PKD1L3: variants seen among roughly 807,000 people sequenced by gnomAD.
PKD1L3 encodes the protein polycystin-1-like protein 3.
In PKD1L3, 239 loss-of-function variants were observed where a neutral mutation model predicts 184.1. The ratio of observed to expected loss-of-function variants is 1.30; its 90% CI spans 1.17 to 1.45. PKD1L3 has a LOEUF of 1.45. Among genes scored for constraint, PKD1L3 ranks in the 40% most tolerant of loss-of-function variants. PKD1L3 has a pLI of 0.00. For missense variants in PKD1L3, 2,660 were observed against 2,067.2 expected (o/e 1.29, Z -5.56); for synonymous variants, 996 against 778.8 (o/e 1.28, Z -4.64).
Position 71,947,555 on chromosome 16 carries a change from T to A in PKD1L3, c.3655A>T (p.Ser1219Cys), listed in dbSNP as rs1483824879. 1.3e-6 allele frequency: 2 copies of A among 1,547,590 alleles called. No individual in the cohort carries two copies. The highest frequency in any genetic ancestry group is 1.7e-6 in the Non-Finnish European group (2 of 1,143,630). ...FFTFLYSLMM[S>C]RMPRLNKENE... ...TCTTTGTTAAGCCGTGGCATCCTGC[T>A]CATCATCAGTGAGTATAAGAATGTG... is the stretch of plus-strand genomic sequence containing the variant. Residue 1219 changes from serine (S) to cysteine (C), a missense_variant, in exon 22 of 30, where the codon AGC becomes TGC. By Grantham distance (112) the Ser-to-Cys change is moderately radical. Transcript: ENST00000620267.
chr16:71,999,972 A>T lies in PKD1L3; in HGVS notation c.7T>A (p.Phe3Ile), dbSNP rs2040913973. 6.6e-7 allele frequency: 1 copy of T among 1,518,848 alleles called. No homozygotes were observed. The highest frequency in any genetic ancestry group is 1.4e-5 in the African/African-American group (1 of 72,198). The allele number at this position is 1,518,848 out of a possible 1,614,324, so 94.1% of individuals were successfully genotyped here. A position where few individuals can be genotyped will look rare whatever the true frequency, so the allele number is the denominator to read the frequency against. Reference sequence around the variant, plus strand: ...AACCAAAGCCAGCTTCCTCCTTTGAAGAACATTTTCTCTGAATTGTAGCAA... The same window carrying T: ...AACCAAAGCCAGCTTCCTCCTTTGATGAACATTTTCTCTGAATTGTAGCAA... MF[F>I]KGGSWLWLYI... The change falls in exon 1 of 30, where the codon TTC becomes ATC. Residue 3 changes from phenylalanine (F) to isoleucine (I), a missense_variant. Physicochemically the swap from Phe to Ile is conservative, Grantham distance 21. Coordinates refer to ENST00000620267, the MANE Select transcript of PKD1L3 (RefSeq NM_181536.2).
Position 71,937,434 on chromosome 16 carries a change from G to T in PKD1L3, c.4325-15C>A. ...GAAGAAAGCACCTGAGAATAACAAA[G>T]AACACCTGGAGTCAAGAGTCTAAAA... On this transcript the variant is annotated splice_polypyrimidine_tract_variant and intron_variant, in intron 24 of 29. Coordinates refer to ENST00000620267, the MANE Select transcript of PKD1L3 (RefSeq NM_181536.2). The T allele has an allele frequency of 6.5e-7, 1 of 1,549,224 alleles. No individual in the cohort carries two copies. Among genetic ancestry groups the T allele is most frequent in the Non-Finnish European group, 8.7e-7 (1 of 1,146,308 alleles).
intron 28 of PKD1L3, among the ~76,000 whole-genome samples, chr16:71,932,033 C>T (rs113739334): frequency 3.6e-4 from 55 of 152,272 alleles, no homozygotes; most frequent in African/African-American, 1.1e-3. Context: ...TACATGCTAC[C>T]ATGCCTGACT....
Position 71,996,697 on chromosome 16 carries a change from G to A in PKD1L3, c.418+1575C>T, listed in dbSNP as rs890232153. ...CTCAATAAATGGCACCATAGAGTAC[G>A]TAACATTTTGAGATTGGCTTTGTTC... On this transcript the variant is annotated intron_variant, in intron 2 of 29. Transcript: ENST00000620267. Among the ~76,000 whole-genome samples, 10 of 152,104 alleles carry A rather than the reference G, an allele frequency of 6.6e-5. No homozygotes were observed. The East Asian group carries it at 1.7e-3, about 26-fold the overall frequency.
rs1050664923 is a variant in PKD1L3, at chr16:71,942,905, G to A, written c.3979C>T (p.Leu1327Phe). ...GCCCAGGGGTAGAAATCCTGAAGAA[G>A]TTTGATTTCCGAGAACTGGTGCGAA... is the stretch of plus-strand genomic sequence containing the variant. ...TFSHQFSEIK[L>F]LQDFYPWANH... Residue 1327 changes from leucine to phenylalanine, a missense_variant, in exon 24 of 30, where the codon CTT (leucine) becomes TTT (phenylalanine). Physicochemically the swap from Leu to Phe is conservative, Grantham distance 22 (BLOSUM62 0). Coordinates refer to ENST00000620267, the MANE Select transcript of PKD1L3 (RefSeq NM_181536.2). 2.0e-5 allele frequency: 31 copies of A among 1,551,470 alleles called. No individual in the cohort carries two copies. The African/African-American group carries it at 3.4e-4, about 17-fold the overall frequency.
chr16:71,966,086 AG>A (rs2039492937), intron 15 of PKD1L3, among the ~76,000 whole-genome samples: 1 of 151,964 alleles, frequency 6.6e-6, no homozygotes, highest in African/African-American at 2.4e-5. Flanking sequence ...ATGTCTAGCT[AG>A]GGGGAAAAAT....
At chr16:71,929,904 GGAA>G in intron 29 of PKD1L3, 145 bp downstream of exon 29, 2 of 1,136,046 alleles carry the variant, frequency 1.8e-6, no homozygotes, top group Non-Finnish European at 2.4e-6. Flanking sequence ...GGGTTTCCTA[GGAA>G]GATAGCTGGC....
At chr16:71,993,372 A>G in intron 2 of PKD1L3, 40 bp from the exon 3 acceptor site, 1 of 1,281,382 alleles carries the variant, frequency 7.8e-7, no homozygotes, top group Admixed American at 2.2e-5. Context: ...TATAGGTTAT[A>G]GCTATGGCTA....
chr16:71,969,319 T>A (rs942783982), intron 13 of PKD1L3, among the ~76,000 whole-genome samples: 2 of 151,716 alleles, frequency 1.3e-5, no homozygotes, highest in Admixed American at 6.6e-5. Context: ...TTTCTTTTCT[T>A]TTTCTTTTTG....
At chr16:71,996,403 G>A (rs747276271) in intron 2 of PKD1L3, among the ~76,000 whole-genome samples, 18 of 152,018 alleles carry the variant, frequency 1.2e-4, no homozygotes, top group Middle Eastern at 3.4e-3. Flanking sequence ...TGGGACTACA[G>A]GTGCACACCA....
Position 71,967,395 on chromosome 16 carries a change from G to A in PKD1L3, c.2287-80C>T, listed in dbSNP as rs957039732. 6.0e-6 allele frequency: 8 copies of A among 1,343,288 alleles called. No homozygotes were observed. The Admixed American group carries it at 1.3e-4, about 22-fold the overall frequency. The allele number at this position is 1,343,288 out of a possible 1,614,324, so 83.2% of individuals were successfully genotyped here. A position where few individuals can be genotyped will look rare whatever the true frequency, so the allele number is the denominator to read the frequency against. On this transcript the variant is annotated intron_variant, in intron 14 of 29. Transcript: ENST00000620267. Reference sequence around the variant, plus strand: ...GTTTATCCCTAAGGAGAAAGACGAAGACATAGAAAACTATTTAGATCAAGT... The same window carrying A: ...GTTTATCCCTAAGGAGAAAGACGAAAACATAGAAAACTATTTAGATCAAGT...
At chr16:71,970,362 T>C (rs951495796) in intron 12 of PKD1L3, among the ~76,000 whole-genome samples, 7 of 152,184 alleles carry the variant, frequency 4.6e-5, no homozygotes, top group African/African-American at 1.7e-4. Flanking sequence ...TGTGCACATG[T>C]GTATGAAGAT....
Position 71,951,557 on chromosome 16 carries a change from A to G in PKD1L3, c.3190+7T>C, listed in dbSNP as rs778382613. On this transcript the variant is annotated splice_region_variant and intron_variant, in intron 19 of 29. Transcript: ENST00000620267. ...AAGATTCGTTACTGAAATCTACTGA[A>G]GTTTACCACGTGCCCAGTGGCGCTC... 4.5e-6 allele frequency: 7 copies of G among 1,546,234 alleles called. No homozygotes were observed. The highest frequency in any genetic ancestry group is 6.1e-6 in the Non-Finnish European group (7 of 1,144,614).
intron 9 of PKD1L3, among the ~76,000 whole-genome samples, 197 bp from the exon 10 acceptor site, chr16:71,978,580 A>G (rs1458693849): frequency 6.8e-6 from 1 of 147,730 alleles, no homozygotes; most frequent in Non-Finnish European, 1.5e-5. Flanking sequence ...CACTCTGTCA[A>G]TCAGGATGGA....
In PKD1L3 at chr16:71,998,346, A is replaced by G. The variant is rs771793988; in HGVS notation, c.344T>C (p.Leu115Pro). ...GPPKPLSCTY[L>P]SRNFIRISSK... ...TGAGATCCGAATGAAGTTTCTGGAC[A>G]GGTAGGTGCAGCTGAGGGGCTTTGG... Residue 115 changes from leucine (L) to proline (P), a missense_variant, in exon 2 of 30, where the codon CTG becomes CCG. Coordinates refer to ENST00000620267, the MANE Select transcript of PKD1L3 (RefSeq NM_181536.2). 35 of 1,551,920 alleles carry G rather than the reference A, an allele frequency of 2.3e-5. No homozygotes were observed. The highest frequency in any genetic ancestry group is 3.0e-5 in the Non-Finnish European group (34 of 1,147,022).
chr16:71,969,523 G>A (rs1259199148), intron 13 of PKD1L3, among the ~76,000 whole-genome samples: 4 of 146,154 alleles, frequency 2.7e-5, no homozygotes, highest in Non-Finnish European at 5.9e-5. Context: ...TGGTGGCCAG[G>A]CTGGCCTTGA....
chr16:71,964,105 T>C (rs954370945), intron 15 of PKD1L3, among the ~76,000 whole-genome samples: 4 of 141,462 alleles, frequency 2.8e-5, no homozygotes, highest in Admixed American at 2.8e-4. Context: ...TGAGAGCTCA[T>C]CCTTTTCCCA....
At chr16:71,978,982 T>G (rs2040043684) in intron 9 of PKD1L3, among the ~76,000 whole-genome samples, 1 of 152,242 alleles carries the variant, frequency 6.6e-6, no homozygotes. Flanking sequence ...TTTTAATCTT[T>G]ATATCTAGAG....
chr16:71,984,115 G>C lies in PKD1L3; in HGVS notation c.887C>G (p.Ala296Gly). 6.4e-7 allele frequency: 1 copy of C among 1,552,028 alleles called. No individual in the cohort carries two copies. Among genetic ancestry groups the C allele is most frequent in the Non-Finnish European group, 8.7e-7 (1 of 1,147,018 alleles). The change falls in exon 6 of 30, where the codon GCT becomes GGT. Residue 296 changes from alanine to glycine, a missense_variant. Transcript: ENST00000620267. Reference protein sequence around the residue: ...NFSRAVHGLQALNKLQEACEF... With the variant: ...NFSRAVHGLQGLNKLQEACEF... Reference sequence around the variant, plus strand: ...ACAAGCTTCCTGTAGTTTGTTAAGAGCTTGCAAACCATGAACTGCTCTGCT... The same window carrying C: ...ACAAGCTTCCTGTAGTTTGTTAAGACCTTGCAAACCATGAACTGCTCTGCT...
Sources: gnomAD v4.1 joint callset for allele counts (sites outside exome capture counted in the v4.1 genomes callset) on GRCh38, gnomAD v4.1.1 for gene constraint, MANE v1.5 for transcripts, NCBI Gene and HGNC (gene_info 2026-07-23, HGNC 2026-07-21) for gene names.